Variants in ISLR2 observed in about 807,000 individuals in gnomAD.
ISLR2 encodes the protein immunoglobulin superfamily containing leucine rich repeat 2, also known as immunoglobulin superfamily containing leucine-rich repeat protein 2.
In ISLR2, 16 loss-of-function variants were observed where a neutral mutation model predicts 25.5. The observed-to-expected ratio is 0.63, with a 90% CI of 0.43 to 0.95. ISLR2 has a LOEUF of 0.95. Among genes scored for constraint, ISLR2 ranks in the 40% least tolerant of loss-of-function variants. The pLI is 0.00. For missense variants in ISLR2, 883 were observed against 1,030.7 expected, an observed-to-expected ratio of 0.86 and a Z score of 1.96; for synonymous variants, 508 against 486.6, an observed-to-expected ratio of 1.04 and a Z score of -0.58.
Position 74,132,906 on chromosome 15 carries a change from C to T in ISLR2, c.152C>T (p.Ala51Val). ...ELREVPEGLPANVTTLSLSAN... is the reference protein window; with the variant it reads ...ELREVPEGLPVNVTTLSLSAN... ...CGTGAGGTGCCGGAAGGACTGCCTG[C>T]CAACGTGACGACGCTTAGTCTGTCC... The change falls in exon 3 of 3, where the codon GCC becomes GTC. Residue 51 changes from alanine to valine, a missense_variant. Coordinates refer to ENST00000453268, the MANE Select transcript of ISLR2 (RefSeq NM_020851.3). This position sits in a 1 kb window ranked among gnomAD's most constrained non-coding sequence, Gnocchi z 4.3. The T allele has an allele frequency of 6.2e-7, 1 of 1,614,104 alleles. No individual in the cohort carries two copies. Among genetic ancestry groups the T allele is most frequent in the Non-Finnish European group, 8.5e-7 (1 of 1,179,938 alleles).
intron 2 of ISLR2, among the ~76,000 whole-genome samples, chr15:74,121,003 C>T (rs1176172122): frequency 6.6e-6 from 1 of 151,870 alleles, no homozygotes; most frequent in Non-Finnish European, 1.5e-5. Flanking sequence ...CCCACCCTAT[C>T]CCTCTTCCCT....
chr15:74,124,039 C>G (rs2072272741), upstream of ISLR2, among the ~76,000 whole-genome samples: 1 of 151,794 alleles, frequency 6.6e-6, no homozygotes, highest in African/African-American at 2.4e-5. Flanking sequence ...AAAGAATCCT[C>G]TGGTTTGTAT....
chr15:74,128,462 C>A (rs2072331625), upstream of ISLR2: 1 of 456,696 alleles, frequency 2.2e-6, no homozygotes, highest in Non-Finnish European at 4.4e-6. Flanking sequence ...TGCCGAACTC[C>A]TTGGCTTCTG....
At chr15:74,119,144 T>A (rs1365566104) in intron 2 of ISLR2, among the ~76,000 whole-genome samples, 2 of 152,158 alleles carry the variant, frequency 1.3e-5, no homozygotes, top group Non-Finnish European at 2.9e-5. Context: ...AAATATATAA[T>A]AAATTGTCAT....
chr15:74,141,804 C>T (rs1306080661), downstream of ISLR2, among the ~76,000 whole-genome samples: 1 of 152,166 alleles, frequency 6.6e-6, no homozygotes, highest in Non-Finnish European at 1.5e-5. Context: ...TGCCAGAGAT[C>T]TTAGTCACCA....
At chr15:74,122,581 C>T (rs2072261484) in intron 2 of ISLR2, among the ~76,000 whole-genome samples, 1 of 152,228 alleles carries the variant, frequency 6.6e-6, no homozygotes, top group African/African-American at 2.4e-5. Context: ...TTCCTACTTC[C>T]CCTTCTCTCT....
chr15:74,126,899 TG>T (rs2072304858), upstream of ISLR2: 5 of 3,424 alleles, frequency 1.5e-3, no homozygotes, highest in Non-Finnish European at 2.7e-3. Flanking sequence ...AGAACATTTG[TG>T]TGTGTGTGTG....
chr15:74,118,367 AC>A (rs1258136041), intron 2 of ISLR2, among the ~76,000 whole-genome samples: 1 of 152,198 alleles, frequency 6.6e-6, no homozygotes, highest in African/African-American at 2.4e-5. Flanking sequence ...GGACCACAGG[AC>A]CGGGGTGAAA....
At chr15:74,103,605 G>C (rs1017261460) in intron 1 of ISLR2, among the ~76,000 whole-genome samples, 10 of 127,718 alleles carry the variant, frequency 7.8e-5, no homozygotes, top group African/African-American at 3.3e-4. Context: ...CAGAGCCAGA[G>C]TGAGACTCTG....
rs1420944544 is a variant in ISLR2, at chr15:74,133,087, A to G, written c.333A>G (p.Ile111Met). Residue 111 changes from isoleucine (I) to methionine (M), a missense_variant, in exon 3 of 3, where the codon ATA becomes ATG. By Grantham distance (10) the Ile-to-Met change is conservative. Transcript: ENST00000453268. Reference protein sequence around the residue: ...LKNLDLSHNFISSFPWSDLRN... With the variant: ...LKNLDLSHNFMSSFPWSDLRN... ...ACCTCGATCTGAGCCACAACTTCAT[A>G]TCCAGCTTTCCGTGGAGCGACCTGC... 12 of 1,612,798 alleles carry G rather than the reference A, an allele frequency of 7.4e-6. No homozygotes were observed. The highest frequency in any genetic ancestry group is 1.0e-5 in the Non-Finnish European group (12 of 1,179,972).
chr15:74,128,455 C>A (rs79925446), upstream of ISLR2: 5 of 456,530 alleles, frequency 1.1e-5, no homozygotes, highest in East Asian at 1.4e-4. Context: ...GTCTCCCTGC[C>A]GAACTCCTTG....
At position 74,134,664 on chromosome 15, in the gene ISLR2, T is replaced by C. The variant is rs2072526883; in HGVS notation, c.1910T>C (p.Met637Thr). The C allele has an allele frequency of 1.2e-6, 2 of 1,613,970 alleles. No homozygotes were observed. Among genetic ancestry groups the C allele is most frequent in the East Asian group, 4.5e-5 (2 of 44,838 alleles). ...CTGCGGCCTCAGGCCCCTGACCCTA[T>C]GGAGAAGCGCATCGCCGCAGACTTC... ...LILRPQAPDP[M>T]EKRIAADFDP... The change falls in exon 3 of 3, where the codon ATG (methionine) becomes ACG (threonine). Residue 637 changes from methionine (M) to threonine (T), a missense_variant. By Grantham distance (81) the Met-to-Thr change is moderately conservative (BLOSUM62 -1). This residue lies in a region of ISLR2 where 612 missense variants were observed against 642.8 expected (regional missense o/e 0.95). Transcript: ENST00000453268.
Position 74,133,051 on chromosome 15 carries a change from T to G in ISLR2, c.297T>G (p.Ser99Arg). ...AGCCAGGCGCACTGGCCGTGCTGAG[T>G]CAGCTCAAGAACCTCGATCTGAGCC... ...TVEPGALAVLSQLKNLDLSHN... is the reference protein window; with the variant it reads ...TVEPGALAVLRQLKNLDLSHN... Residue 99 changes from serine to arginine, a missense_variant, in exon 3 of 3, where the codon AGT (serine) becomes AGG (arginine). By Grantham distance (110) the Ser-to-Arg change is moderately radical. Coordinates refer to ENST00000453268, the MANE Select transcript of ISLR2 (RefSeq NM_020851.3). 6.2e-7 allele frequency: 1 copy of G among 1,613,140 alleles called. No homozygotes were observed. Among genetic ancestry groups the G allele is most frequent in the Non-Finnish European group, 8.5e-7 (1 of 1,179,968 alleles).
At position 74,134,360 on chromosome 15, in the gene ISLR2, G is replaced by T. The variant is rs1264103800; in HGVS notation, c.1606G>T (p.Gly536Trp). 2.5e-6 allele frequency: 4 copies of T among 1,599,942 alleles called. No homozygotes were observed. The East Asian group carries it at 6.8e-5, about 27-fold the overall frequency. Residue 536 changes from glycine (G) to tryptophan (W), a missense_variant, in exon 3 of 3, where the codon GGG becomes TGG. This residue lies in a region of ISLR2 where 612 missense variants were observed against 642.8 expected (regional missense o/e 0.95). Transcript: ENST00000453268. ...PLRLLYLCPAGGGAAVQWSRV... is the reference protein window; with the variant it reads ...PLRLLYLCPAWGGAAVQWSRV... ...GCGCCTACTCTATCTGTGTCCAGCG[G>T]GGGGCGGCGCGGCAGTGCAGTGGTC...
At chr15:74,116,608 T>C (rs1046647431) in intron 2 of ISLR2, among the ~76,000 whole-genome samples, 1 of 152,174 alleles carries the variant, frequency 6.6e-6, no homozygotes, top group African/African-American at 2.4e-5. Flanking sequence ...AATAAATACA[T>C]GGATAAATAG....
At chr15:74,107,737 A>G (rs2072132626) in intron 2 of ISLR2, among the ~76,000 whole-genome samples, 1 of 152,176 alleles carries the variant, frequency 6.6e-6, no homozygotes, top group Non-Finnish European at 1.5e-5. Context: ...TTTCAGAGCT[A>G]TCGTCCCCAC....
At chr15:74,129,145 C>T (rs1170488007), upstream of ISLR2, 1 of 440,272 alleles carries the variant, frequency 2.3e-6, no homozygotes, top group Non-Finnish European at 4.6e-6. The surrounding 1 kb of genome is among the most constrained non-coding windows in gnomAD (Gnocchi z 4.5). Context: ...GTTCTGTGTT[C>T]TGAACTGGGG....
At chr15:74,117,503 A>T (rs1272748931) in intron 2 of ISLR2, among the ~76,000 whole-genome samples, 1 of 152,018 alleles carries the variant, frequency 6.6e-6, no homozygotes, top group Non-Finnish European at 1.5e-5. Flanking sequence ...CAACATAGCA[A>T]GACCTCATCT....
downstream of ISLR2, among the ~76,000 whole-genome samples, chr15:74,141,522 A>G (rs1233764638): frequency 1.3e-5 from 2 of 152,236 alleles, no homozygotes; most frequent in Non-Finnish European, 2.9e-5. Context: ...ATCTAGACTA[A>G]GAATGCTAAT....
Sources: gnomAD v4.1 joint callset for allele counts (sites outside exome capture counted in the v4.1 genomes callset) on GRCh38, gnomAD v4.1.1 for gene constraint, gnomAD v4.1.1 regional missense constraint, Gnocchi (gnomAD v3.1) non-coding constraint, MANE v1.5 for transcripts, NCBI Gene and HGNC (gene_info 2026-07-23, HGNC 2026-07-21) for gene names.